Variants in CDH8 observed in about 807,000 individuals in gnomAD.
CDH8 encodes the protein cadherin-8.
Under a neutral mutation model 68.1 loss-of-function variants are expected in CDH8, and 17 were observed. That is an observed-to-expected ratio of 0.25 (90% CI 0.17 to 0.37). The LOEUF is 0.37. Among genes scored for constraint, CDH8 ranks in the 10% least tolerant of loss-of-function variants. The pLI is 1.00. For missense variants in CDH8, 763 were observed against 999.3 expected (o/e 0.76, Z 3.19); for synonymous variants, 372 against 365.1 (o/e 1.02, Z -0.21).
intron 10 of CDH8, among the ~76,000 whole-genome samples, chr16:61,662,777 T>C (rs1281227222): frequency 6.6e-6 from 1 of 151,862 alleles, no homozygotes; most frequent in Non-Finnish European, 1.5e-5. Flanking sequence ...TATGTGTAAA[T>C]ACTATGCCAT....
At chr16:61,716,218 A>AT (rs5817306) in intron 9 of CDH8, among the ~76,000 whole-genome samples, 43 of 151,694 alleles carry the variant, frequency 2.8e-4, no homozygotes, top group Non-Finnish European at 4.6e-4. Context: ...CATTCATACT[A>AT]TTTTCAAGTA....
At chr16:61,932,874 A>T (rs924994809) in intron 2 of CDH8, among the ~76,000 whole-genome samples, 2 of 152,234 alleles carry the variant, frequency 1.3e-5, no homozygotes, top group Non-Finnish European at 2.9e-5. Flanking sequence ...ACATATTTTG[A>T]TTCAGCAGAC....
chr16:61,904,355 C>T (rs989657304), intron 2 of CDH8, among the ~76,000 whole-genome samples: 2 of 151,892 alleles, frequency 1.3e-5, no homozygotes, highest in Non-Finnish European at 2.9e-5. Flanking sequence ...GGTCAACGTA[C>T]GCCCCCTAAG....
At chr16:61,717,293 G>T (rs1474853250) in intron 9 of CDH8, among the ~76,000 whole-genome samples, 1 of 151,638 alleles carries the variant, frequency 6.6e-6, no homozygotes, top group African/African-American at 2.4e-5. Flanking sequence ...TATCTGGGAT[G>T]TTGGGATAAG....
At chr16:61,799,423 T>C (rs1961568290) in intron 7 of CDH8, among the ~76,000 whole-genome samples, 1 of 152,206 alleles carries the variant, frequency 6.6e-6, no homozygotes, top group African/African-American at 2.4e-5. Context: ...TTGACCTTTC[T>C]GCTAAGCCCT....
intron 2 of CDH8, among the ~76,000 whole-genome samples, chr16:61,946,771 C>G (rs1964808667): frequency 6.6e-6 from 1 of 152,206 alleles, no homozygotes. Context: ...TGCCACAAAG[C>G]AACTTGCCCA....
At chr16:62,003,499 C>G (rs116575378) in intron 2 of CDH8, among the ~76,000 whole-genome samples, 2,174 of 151,628 alleles carry the variant, frequency 0.014, 27 homozygotes, top group South Asian at 0.05. Context: ...TGATTTTATA[C>G]TTGTATGCGT....
chr16:61,651,586 G>GT lies in CDH8; in HGVS notation c.*2021_*2022insA, dbSNP rs1963325165. ...GATGACAGAGGACCACAGCCTGACT[G>GT]CTTTAATGGATGTGTTTTCACTCTA... On this transcript the variant is annotated 3_prime_UTR_variant, in exon 12 of 12. Coordinates refer to ENST00000577390, the MANE Select transcript of CDH8 (RefSeq NM_001796.5). The GT allele has an allele frequency of 6.6e-6, 1 of 152,196 alleles. No individual in the cohort carries two copies. The highest frequency in any genetic ancestry group is 6.5e-5 in the Admixed American group (1 of 15,274). 9.4% of individuals were successfully genotyped at this position (152,196 alleles called of 1,614,324 possible).
chr16:61,731,256 G>T (rs117320018), intron 8 of CDH8, among the ~76,000 whole-genome samples: 3,538 of 151,772 alleles, frequency 0.023, 70 homozygotes, highest in Non-Finnish European at 0.035. Flanking sequence ...ACTGGAGAGA[G>T]AGGCTAGTTG....
At chr16:61,673,934 A>G (rs370699584) in intron 10 of CDH8, among the ~76,000 whole-genome samples, 3 of 152,162 alleles carry the variant, frequency 2.0e-5, no homozygotes, top group African/African-American at 7.2e-5. Context: ...GTTGACTACC[A>G]AGCTACACAC....
At chr16:61,948,416 C>T (rs1176438886) in intron 2 of CDH8, among the ~76,000 whole-genome samples, 1 of 152,168 alleles carries the variant, frequency 6.6e-6, no homozygotes, top group African/African-American at 2.4e-5. Flanking sequence ...CACCAAATAT[C>T]TTTCAATATG....
Position 61,817,586 on chromosome 16 carries a change from G to A in CDH8, c.1170C>T (p.Val390=). 6.2e-7 allele frequency: 1 copy of A among 1,613,960 alleles called. No homozygotes were observed. The highest frequency in any genetic ancestry group is 8.5e-7 in the Non-Finnish European group (1 of 1,179,946). ...IVVEDADEPP[V]FSSPTYLLEV... ...CAAGTAGGTAAGTCGGTGAAGAGAA[G>A]ACCGGAGGCTCATCAGCATCTTCAA... Residue 390 remains valine (V), a synonymous_variant, in exon 7 of 12, where the codon GTC becomes GTT. Transcript: ENST00000577390.
At chr16:61,884,674 C>G (rs1172859354) in intron 3 of CDH8, among the ~76,000 whole-genome samples, 1 of 152,008 alleles carries the variant, frequency 6.6e-6, no homozygotes, top group African/African-American at 2.4e-5. Flanking sequence ...GCACTTGGAC[C>G]CTTATGATTT....
chr16:61,874,182 AC>A (rs1388597256), intron 3 of CDH8, among the ~76,000 whole-genome samples: 1 of 152,146 alleles, frequency 6.6e-6, no homozygotes, highest in Non-Finnish European at 1.5e-5. Flanking sequence ...CTATGTACCC[AC>A]AAAAAATTTT....
intron 3 of CDH8, among the ~76,000 whole-genome samples, chr16:61,861,604 G>A (rs1015112480): frequency 2.6e-5 from 4 of 152,166 alleles, no homozygotes; most frequent in Non-Finnish European, 5.9e-5. Flanking sequence ...AAAGTTTTGC[G>A]TGAGGATCAC....
At chr16:61,723,682 G>A (rs140080762) in intron 9 of CDH8, among the ~76,000 whole-genome samples, 49 of 150,770 alleles carry the variant, frequency 3.2e-4, no homozygotes, top group Middle Eastern at 3.4e-3. Context: ...AACATAGTTG[G>A]TGCTCAGTAA....
rs1402892822 is a variant in CDH8, at chr16:61,724,692, A to C, written c.1536+2402T>G. On this transcript the variant is annotated intron_variant, in intron 9 of 11. Coordinates refer to ENST00000577390, the MANE Select transcript of CDH8 (RefSeq NM_001796.5). ...AAATATTGAGAAAGCTATGAATTTA[A>C]TGGCTCATTCGGTTTTTTGACATTT... Among the ~76,000 whole-genome samples, 7 of 150,922 alleles carry C rather than the reference A, an allele frequency of 4.6e-5. No homozygotes were observed. The East Asian group carries it at 1.4e-3, about 29-fold the overall frequency.
chr16:61,693,935 T>C (rs1188161043), intron 10 of CDH8, among the ~76,000 whole-genome samples: 1 of 152,192 alleles, frequency 6.6e-6, no homozygotes, highest in African/African-American at 2.4e-5. Flanking sequence ...AGCTATATTA[T>C]GCAACAGGCT....
chr16:61,694,635 A>G (rs1024227927), intron 10 of CDH8, among the ~76,000 whole-genome samples: 13 of 152,090 alleles, frequency 8.5e-5, no homozygotes, highest in African/African-American at 2.7e-4. Flanking sequence ...TGGGATATAG[A>G]CAGAGCTTCT....
Sources: allele counts gnomAD v4.1 joint callset (sites outside exome capture counted in the v4.1 genomes callset), GRCh38; gene constraint gnomAD v4.1.1; transcripts MANE v1.5; gene names NCBI Gene and HGNC (gene_info 2026-07-23, HGNC 2026-07-21).